BACE2: variants seen among roughly 807,000 people sequenced by gnomAD.
BACE2 encodes the protein 56 kDa aspartic-like protease.
Under a neutral mutation model 46.2 loss-of-function variants are expected in BACE2, and 17 were observed. The observed-to-expected ratio is 0.37, with a 90% CI of 0.25 to 0.55. The LOEUF (loss-of-function observed/expected upper bound fraction) is 0.55. Ranked by LOEUF, BACE2 falls within the 20% of genes least tolerant of loss-of-function variation. The probability of loss-of-function intolerance (pLI) is 0.82; values close to 1 mark genes in which losing one functional copy is unlikely to be tolerated. For synonymous variants in BACE2, 277 were observed against 295.9 expected, an observed-to-expected ratio of 0.94 and a Z score of 0.66; for missense variants, 595 against 698.1, an observed-to-expected ratio of 0.85 and a Z score of 1.66.
At chr21:41,221,889 C>T (rs1031064973) in intron 1 of BACE2, among the ~76,000 whole-genome samples, 10 of 151,238 alleles carry the variant, frequency 6.6e-5, no homozygotes, top group African/African-American at 2.2e-4. Context: ...CTGTTACAGG[C>T]ATGCACGGCA....
chr21:41,257,967 C>G (rs574544238), intron 8 of BACE2, among the ~76,000 whole-genome samples: 1 of 152,106 alleles, frequency 6.6e-6, no homozygotes, highest in Non-Finnish European at 1.5e-5. Context: ...GTGCTCACAC[C>G]ACACACGGCT....
chr21:41,264,847 G>A (rs1434245768), intron 8 of BACE2, among the ~76,000 whole-genome samples: 1 of 152,130 alleles, frequency 6.6e-6, no homozygotes, highest in East Asian at 1.9e-4. Context: ...AGCCAAGCAT[G>A]GTGGAGCATA....
At chr21:41,246,492 C>G (rs1455236811) in intron 6 of BACE2, among the ~76,000 whole-genome samples, 2 of 152,110 alleles carry the variant, frequency 1.3e-5, no homozygotes, top group Non-Finnish European at 2.9e-5. Flanking sequence ...AAATTTATAG[C>G]CTTTGAAACA....
At chr21:41,262,738 T>G (rs73222291) in intron 8 of BACE2, among the ~76,000 whole-genome samples, 3,378 of 152,274 alleles carry the variant, frequency 0.022, 52 homozygotes, top group Non-Finnish European at 0.036. Flanking sequence ...CATAGACTTA[T>G]TCCTATGTAC....
At chr21:41,221,827 C>CAAAAAAAAA (rs58502168) in intron 1 of BACE2, among the ~76,000 whole-genome samples, 1 of 98,746 alleles carries the variant, frequency 1.0e-5, no homozygotes, top group African/African-American at 3.1e-5. Context: ...GACTCTGTCT[C>CAAAAAAAAA]AAAAAAAAAA....
chr21:41,232,672 A>G lies in BACE2; in HGVS notation c.402-4841A>G, dbSNP rs188523189. 4.1e-4 allele frequency among the ~76,000 whole-genome samples: 62 copies of G among 152,138 alleles called. No homozygotes were observed. In the East Asian group the frequency reaches 0.012, roughly 29 times the overall value. On this transcript the variant is annotated intron_variant, in intron 2 of 8. Coordinates refer to ENST00000330333, the MANE Select transcript of BACE2 (RefSeq NM_012105.5). Reference sequence around the variant, plus strand: ...TCTCTCTCTTGCCCCAGCTCTCACCATGTAATGTACTGTGTCCCCCTTCGC... The same window carrying G: ...TCTCTCTCTTGCCCCAGCTCTCACCGTGTAATGTACTGTGTCCCCCTTCGC...
intron 2 of BACE2, among the ~76,000 whole-genome samples, chr21:41,234,841 G>A (rs1444014798): frequency 6.6e-6 from 1 of 152,186 alleles, no homozygotes; most frequent in Admixed American, 6.5e-5. Context: ...AATTTCTGGT[G>A]GATCCCTTAG....
chr21:41,241,838 CCTT>C lies in BACE2; in HGVS notation c.643_645del (p.Phe215del). The C allele has an allele frequency of 6.2e-7, 1 of 1,614,176 alleles. No homozygotes were observed. ...CCGCAGCCATCAAGTTCTCTGGAGA[CCTT>C]CTTCGACTCCCTGGTGACACAAGCA... is the stretch of plus-strand genomic sequence containing the variant. On this transcript the variant is annotated inframe_deletion, in exon 4 of 9. Coordinates refer to ENST00000330333, the MANE Select transcript of BACE2 (RefSeq NM_012105.5).
intron 2 of BACE2, among the ~76,000 whole-genome samples, chr21:41,234,587 G>C (rs1987060694): frequency 1.3e-5 from 2 of 152,166 alleles, no homozygotes; most frequent in African/African-American, 2.4e-5. Flanking sequence ...GCCAACCTCT[G>C]TTCTAGATCC....
At chr21:41,192,528 A>G (rs1337813311) in intron 1 of BACE2, among the ~76,000 whole-genome samples, 1 of 152,200 alleles carries the variant, frequency 6.6e-6, no homozygotes, top group Non-Finnish European at 1.5e-5. Flanking sequence ...ACAGGCCAAG[A>G]GCTCTCTCTC....
chr21:41,211,435 A>G (rs900402069), intron 1 of BACE2, among the ~76,000 whole-genome samples: 2 of 152,214 alleles, frequency 1.3e-5, no homozygotes, highest in African/African-American at 4.8e-5. Flanking sequence ...TATAAAAACA[A>G]CCTTAATTTT....
chr21:41,272,296 A>T (rs2088441942), intron 8 of BACE2, among the ~76,000 whole-genome samples: 1 of 151,234 alleles, frequency 6.6e-6, no homozygotes, highest in Admixed American at 6.6e-5. Flanking sequence ...AATCTATGTC[A>T]TGTTTCTTGT....
intron 8 of BACE2, among the ~76,000 whole-genome samples, chr21:41,269,850 T>G (rs2088417161): frequency 6.6e-6 from 1 of 152,218 alleles, no homozygotes; most frequent in Non-Finnish European, 1.5e-5. Flanking sequence ...TTCTCCTGGA[T>G]AAACACCTAG....
At chr21:41,264,410 A>C (rs1171258714) in intron 8 of BACE2, among the ~76,000 whole-genome samples, 2 of 151,998 alleles carry the variant, frequency 1.3e-5, no homozygotes, top group Non-Finnish European at 2.9e-5. Context: ...GTGTTAGTTC[A>C]TTCCCATGCT....
chr21:41,199,369 G>C (rs1985869011), intron 1 of BACE2, among the ~76,000 whole-genome samples: 1 of 152,028 alleles, frequency 6.6e-6, no homozygotes, highest in Admixed American at 6.5e-5. Flanking sequence ...GGCTGGCGAG[G>C]AGGAAGAACT....
intron 1 of BACE2, among the ~76,000 whole-genome samples, chr21:41,174,853 C>G (rs1984752467): frequency 6.6e-6 from 1 of 152,120 alleles, no homozygotes; most frequent in African/African-American, 2.4e-5. Context: ...TGGTGAGACA[C>G]TGGGGTTCAT....
intron 1 of BACE2, among the ~76,000 whole-genome samples, chr21:41,173,701 G>A (rs544942353): frequency 5.4e-4 from 82 of 152,202 alleles, no homozygotes; most frequent in African/African-American, 1.6e-3. Flanking sequence ...AGCCGAGATC[G>A]TGTCACTGCA....
At chr21:41,203,272 A>G (rs1773209695) in intron 1 of BACE2, among the ~76,000 whole-genome samples, 1 of 152,070 alleles carries the variant, frequency 6.6e-6, no homozygotes, top group African/African-American at 2.4e-5. Flanking sequence ...CATAATTATC[A>G]TGGCCAGGGA....
intron 1 of BACE2, among the ~76,000 whole-genome samples, chr21:41,216,553 C>A (rs796458080): frequency 6.6e-6 from 1 of 152,202 alleles, no homozygotes; most frequent in Non-Finnish European, 1.5e-5. Flanking sequence ...CCTGCCTCTG[C>A]GGAGGAGTGA....
Sources: allele counts gnomAD v4.1 joint callset (sites outside exome capture counted in the v4.1 genomes callset), GRCh38; gene constraint gnomAD v4.1.1; transcripts MANE v1.5; gene names NCBI Gene and HGNC (gene_info 2026-07-23, HGNC 2026-07-21).